AP3D1: variants seen among roughly 807,000 people sequenced by gnomAD.
AP3D1 encodes the protein AP-3 complex subunit delta-1.
In AP3D1, 51 loss-of-function variants were observed where a neutral mutation model predicts 147.6. The ratio of observed to expected loss-of-function variants is 0.35; its 90% CI spans 0.28 to 0.44. The LOEUF is 0.44. Ranked by LOEUF, AP3D1 falls within the 20% of genes least tolerant of loss-of-function variation. AP3D1 has a pLI of 1.00. For synonymous variants in AP3D1, 760 were observed against 663.0 expected (o/e 1.15, Z -2.25); for missense variants, 1,421 against 1,624.2 (o/e 0.87, Z 2.15).
intron 1 of AP3D1, among the ~76,000 whole-genome samples, chr19:2,161,033 C>T (rs1223949319): frequency 6.6e-6 from 1 of 152,008 alleles, no homozygotes; most frequent in Non-Finnish European, 1.5e-5. Flanking sequence ...CTGCTGAGGT[C>T]CCAGGAGGCT....
At chr19:2,151,772 G>A (rs1315010074), upstream of AP3D1, among the ~76,000 whole-genome samples, 1 of 152,256 alleles carries the variant, frequency 6.6e-6, no homozygotes, top group East Asian at 1.9e-4. Context: ...TCATTGGTCA[G>A]TGGCCTCCGG....
intron 12 of AP3D1, 45 bp downstream of exon 12, chr19:2,121,689 G>C: frequency 6.5e-7 from 1 of 1,535,498 alleles, no homozygotes; most frequent in South Asian, 1.3e-5. Context: ...ATGTCCCTTA[G>C]AGAACTAAGG....
chr19:2,140,152 G>T (rs149395015), intron 1 of AP3D1, among the ~76,000 whole-genome samples: 1 of 152,130 alleles, frequency 6.6e-6, no homozygotes, highest in African/African-American at 2.4e-5. Flanking sequence ...GGTCAGGACT[G>T]TTGATTTAAA....
Position 2,102,143 on chromosome 19 carries a change from G to A in AP3D1, c.*30C>T, listed in dbSNP as rs180893127. On this transcript the variant is annotated 3_prime_UTR_variant, in exon 32 of 32. Coordinates refer to ENST00000643116, the MANE Select transcript of AP3D1 (RefSeq NM_001261826.3). ...GCTGCGGTCCCTGGGTACGTGCTCC[G>A]CGGGGTGGTGCGGGGCTCGCAGGCA... 28 of 1,577,004 alleles carry A rather than the reference G, an allele frequency of 1.8e-5. No homozygotes were observed. Among genetic ancestry groups the A allele is most frequent in the South Asian group, 1.3e-4 (12 of 90,274 alleles).
intron 31 of AP3D1, among the ~76,000 whole-genome samples, chr19:2,107,727 G>A (rs1331162195): frequency 2.7e-5 from 4 of 147,382 alleles, no homozygotes; most frequent in African/African-American, 7.6e-5. Flanking sequence ...GCGACAGAGC[G>A]AGACTCCGTC....
chr19:2,111,126 C>A, intron 26 of AP3D1, 159 bp downstream of exon 26: 1 of 1,034,992 alleles, frequency 9.7e-7, no homozygotes, highest in Non-Finnish European at 1.4e-6. Context: ...CAACCTTACC[C>A]CAAGCCAGAG....
chr19:2,159,760 G>C (rs1267376410), intron 1 of AP3D1, among the ~76,000 whole-genome samples: 1 of 151,536 alleles, frequency 6.6e-6, no homozygotes, highest in Non-Finnish European at 1.5e-5. Flanking sequence ...GAGTGCAGTG[G>C]CGCTATCTTG....
intron 1 of AP3D1, among the ~76,000 whole-genome samples, chr19:2,163,383 G>T (rs918235278): frequency 6.6e-6 from 1 of 151,744 alleles, no homozygotes; most frequent in Non-Finnish European, 1.5e-5. Context: ...CGTGAGAGGG[G>T]GTTTCTCCAT....
In AP3D1 at chr19:2,118,665, G is replaced by C; in HGVS notation, c.1649C>G (p.Thr550Ser). 2 of 1,612,954 alleles carry C rather than the reference G, an allele frequency of 1.2e-6. No homozygotes were observed. Among genetic ancestry groups the C allele is most frequent in the Non-Finnish European group, 1.7e-6 (2 of 1,180,016 alleles). The change falls in exon 15 of 32, where the codon ACC becomes AGC. Residue 550 changes from threonine to serine, a missense_variant. By Grantham distance (58) the Thr-to-Ser change is moderately conservative. Transcript: ENST00000643116. ...AGEAEGAQAVTQLMVDRLPQF... is the reference protein window; with the variant it reads ...AGEAEGAQAVSQLMVDRLPQF... ...GGGCAGCCGGTCCACCATGAGCTGG[G>C]TGACGGCCTGAGCGCCCTCTGCCTC...
chr19:2,162,432 A>G (rs1341013521), intron 1 of AP3D1, among the ~76,000 whole-genome samples: 1 of 150,198 alleles, frequency 6.7e-6, no homozygotes, highest in Non-Finnish European at 1.5e-5. Context: ...AGGAGGGCGG[A>G]TCACTTGAGT....
At chr19:2,139,560 G>A (rs1043306371) in intron 1 of AP3D1, among the ~76,000 whole-genome samples, 3 of 152,200 alleles carry the variant, frequency 2.0e-5, no homozygotes, top group African/African-American at 7.2e-5. Context: ...TAGCACCAGA[G>A]ACAAGCCGAG....
At chr19:2,148,146 C>CA (rs5826756) in intron 1 of AP3D1, among the ~76,000 whole-genome samples, 4,970 of 97,876 alleles carry the variant, frequency 0.051, 314 homozygotes, top group African/African-American at 0.19. Flanking sequence ...GACTCCGTCT[C>CA]AAAAAAAAAA....
At chr19:2,104,273 C>T (rs112909110) in intron 31 of AP3D1, among the ~76,000 whole-genome samples, 33 of 130,448 alleles carry the variant, frequency 2.5e-4, no homozygotes, top group African/African-American at 6.0e-4. Context: ...AACTCCAAGA[C>T]GCCAACACCC....
intron 31 of AP3D1, among the ~76,000 whole-genome samples, chr19:2,104,693 G>A (rs1308986279): frequency 7.3e-6 from 1 of 136,280 alleles, no homozygotes; most frequent in Non-Finnish European, 1.5e-5. Flanking sequence ...TTTTTTTGGA[G>A]TCTCACTCTG....
At position 2,113,324 on chromosome 19, in the gene AP3D1, C is replaced by T. The variant is rs781160319; in HGVS notation, c.2679+12G>A. 7 of 1,373,958 alleles carry T rather than the reference C, an allele frequency of 5.1e-6. No individual in the cohort carries two copies. In the African/African-American group the frequency reaches 7.5e-5, roughly 15 times the overall value. 85.1% of individuals were successfully genotyped at this position (1,373,958 alleles called of 1,614,324 possible). On this transcript the variant is annotated intron_variant, in intron 23 of 31. Coordinates refer to ENST00000643116, the MANE Select transcript of AP3D1 (RefSeq NM_001261826.3). ...CACCGAGGCTGGCACTGGCCAGCTG[C>T]CAGTCTCTTACCGTGGATGGAACGG...
chr19:2,140,480 CT>C (rs34572080), intron 1 of AP3D1, among the ~76,000 whole-genome samples: 67 of 147,390 alleles, frequency 4.5e-4, no homozygotes, highest in Middle Eastern at 3.5e-3. Context: ...ACTTGCTTGA[CT>C]TTTTTTTTTT....
At chr19:2,153,359 G>T (rs2019608019), upstream of AP3D1, among the ~76,000 whole-genome samples, 1 of 141,062 alleles carries the variant, frequency 7.1e-6, no homozygotes, top group Admixed American at 7.1e-5. Flanking sequence ...GGGCAAAAGA[G>T]CGAAACATGG....
intron 18 of AP3D1, among the ~76,000 whole-genome samples, chr19:2,115,843 G>A (rs543577060): frequency 1.3e-5 from 2 of 152,388 alleles, no homozygotes; most frequent in South Asian, 4.1e-4. Flanking sequence ...ACAGGCCTAT[G>A]AGCAGAGAGA....
intron 31 of AP3D1, among the ~76,000 whole-genome samples, chr19:2,105,460 C>T (rs1244693474): frequency 6.6e-6 from 1 of 152,238 alleles, no homozygotes; most frequent in African/African-American, 2.4e-5. Context: ...AGGGCGTGTT[C>T]CTGCTGCAGT....
Sources: gnomAD v4.1 joint callset for allele counts (sites outside exome capture counted in the v4.1 genomes callset) on GRCh38, gnomAD v4.1.1 for gene constraint, MANE v1.5 for transcripts, NCBI Gene and HGNC (gene_info 2026-07-23, HGNC 2026-07-21) for gene names.